Variants in YWHAQ observed in about 807,000 individuals in gnomAD.
YWHAQ encodes tyrosine 3-monooxygenase/tryptophan 5-monooxygenase activation protein theta.
A neutral mutation model predicts 28.3 loss-of-function variants in YWHAQ; 6 were observed. That is an observed-to-expected ratio of 0.21 (90% CI 0.12 to 0.42). The LOEUF (loss-of-function observed/expected upper bound fraction) is 0.42. Among genes scored for constraint, YWHAQ ranks in the 10% least tolerant of loss-of-function variants. The pLI, the probability that YWHAQ is intolerant of heterozygous loss-of-function variation, is 1.00. For missense variants in YWHAQ, 201 were observed against 305.6 expected (o/e 0.66, Z 2.55); for synonymous variants, 143 against 119.1 (o/e 1.20, Z -1.31).
At position 9,588,166 on chromosome 2, in the gene YWHAQ, G is replaced by A; in HGVS notation, c.581C>T (p.Thr194Met). The A allele has an allele frequency of 6.4e-7, 1 of 1,553,548 alleles. No individual in the cohort carries two copies. Among genetic ancestry groups the A allele is most frequent in the Non-Finnish European group, 8.6e-7 (1 of 1,159,278 alleles). The change falls in exon 4 of 6, where the codon ACG becomes ATG. Residue 194 changes from threonine to methionine, a missense_variant and splice_region_variant. Around this residue, in one of 2 missense-constraint regions of YWHAQ, gnomAD observed 39 missense variants for 91.7 expected, o/e 0.43. Transcript: ENST00000238081. ...GTATTTCCTGGACACACATCTTACC[G>A]TTTTAGCCAGCGTGCAGGCAAGCTC... ...NPELACTLAK[T>M]AFDEAIAELD...
In YWHAQ at chr2:9,588,763, T is replaced by C. The variant is rs534567471; in HGVS notation, c.419-435A>G. 2.0e-5 allele frequency among the ~76,000 whole-genome samples: 3 copies of C among 152,018 alleles called. No homozygotes were observed. The South Asian group carries it at 6.2e-4, about 32-fold the overall frequency. ...TCCAGCTTGGGCAACAGAACGATAC[T>C]CTGTGTCAAAAACAAACAAACAAAA... On this transcript the variant is annotated intron_variant, in intron 3 of 5. Coordinates refer to ENST00000238081, the MANE Select transcript of YWHAQ (RefSeq NM_006826.4).
intron 4 of YWHAQ, 142 bp from the exon 5 acceptor site, chr2:9,587,651 A>G: frequency 1.6e-6 from 1 of 633,274 alleles, no homozygotes; most frequent in Non-Finnish European, 2.6e-6. Flanking sequence ...ATTCTCTCAC[A>G]CTCCCAGTTT....
At chr2:9,629,529 G>A (rs889190760) in intron 2 of YWHAQ, among the ~76,000 whole-genome samples, 1 of 152,136 alleles carries the variant, frequency 6.6e-6, no homozygotes, top group African/African-American at 2.4e-5. Context: ...TTTAAGCACA[G>A]GTGTGCAACA....
chr2:9,621,988 A>AG (rs886730904), intron 2 of YWHAQ, among the ~76,000 whole-genome samples: 1 of 152,182 alleles, frequency 6.6e-6, no homozygotes, highest in African/African-American at 2.4e-5. Flanking sequence ...TTGAACAATG[A>AG]GAACACATGG....
Position 9,591,462 on chromosome 2 carries a change from G to T in YWHAQ, c.348C>A (p.Val116=). The change falls in exon 3 of 6, where the codon GTC becomes GTA. Residue 116 remains valine (V), a synonymous_variant. Coordinates refer to ENST00000238081, the MANE Select transcript of YWHAQ (RefSeq NM_006826.4). The part of the protein sequence containing the change: ...IANATNPESK[V]FYLKMKGDYF... ...AATCACCCTTCATTTTCAGATAGAA[G>T]ACCTTACTCTCTGGATTAGTTGCAT... The T allele has an allele frequency of 6.2e-7, 1 of 1,611,718 alleles. No homozygotes were observed. The highest frequency in any genetic ancestry group is 8.5e-7 in the Non-Finnish European group (1 of 1,178,264).
At chr2:9,603,855 G>A (rs1164060965) in intron 2 of YWHAQ, among the ~76,000 whole-genome samples, 1 of 152,014 alleles carries the variant, frequency 6.6e-6, no homozygotes, top group Non-Finnish European at 1.5e-5. Flanking sequence ...AACCCAGGAG[G>A]AGGAGGTCAC....
chr2:9,612,724 A>C (rs1666973372), intron 2 of YWHAQ, among the ~76,000 whole-genome samples: 1 of 152,194 alleles, frequency 6.6e-6, no homozygotes, highest in Non-Finnish European at 1.5e-5. Context: ...TTGGGAGGAA[A>C]GTTTAAAAAG....
Position 9,630,536 on chromosome 2 carries a change from T to C in YWHAQ, c.-82-2A>G, listed in dbSNP as rs1015795021. On this transcript the variant is annotated splice_acceptor_variant, in intron 1 of 5. Transcript: ENST00000238081. LOFTEE classifies it low-confidence loss of function (5UTR_SPLICE). The surrounding 1 kb of genome is among the most constrained non-coding windows in gnomAD (Gnocchi z 5.6). ...CCGCAGCGGGAGGAGCCTCGAGAGCTGCGGAGGGGCGGGGCGGCGAGGCGA... is the reference window on the plus strand; with the variant it reads ...CCGCAGCGGGAGGAGCCTCGAGAGCCGCGGAGGGGCGGGGCGGCGAGGCGA... 7.4e-7 allele frequency: 1 copy of C among 1,342,742 alleles called. No individual in the cohort carries two copies. The highest frequency in any genetic ancestry group is 2.5e-5 in the East Asian group (1 of 39,456). 83.2% of individuals were successfully genotyped at this position (1,342,742 alleles called of 1,614,324 possible).
intron 2 of YWHAQ, among the ~76,000 whole-genome samples, chr2:9,611,307 G>A (rs999503056): frequency 2.6e-5 from 4 of 152,136 alleles, no homozygotes; most frequent in South Asian, 2.1e-4. Flanking sequence ...TGATTCCTAC[G>A]TGAGTCTATC....
At chr2:9,615,073 T>G (rs1460975425) in intron 2 of YWHAQ, among the ~76,000 whole-genome samples, 1 of 152,214 alleles carries the variant, frequency 6.6e-6, no homozygotes. Flanking sequence ...CTTATTCTTA[T>G]GTCCTTACAG....
intron 5 of YWHAQ, among the ~76,000 whole-genome samples, chr2:9,586,767 A>G (rs11684568): frequency 0.018 from 2,733 of 152,338 alleles, 86 homozygotes; most frequent in African/African-American, 0.063. Context: ...TCTATATTAA[A>G]AGATTTGTTC....
intron 2 of YWHAQ, among the ~76,000 whole-genome samples, chr2:9,624,213 G>A (rs1667201659): frequency 6.6e-6 from 1 of 152,154 alleles, no homozygotes; most frequent in South Asian, 2.1e-4. Context: ...CCCAGATGGC[G>A]CAACTGCACT....
In YWHAQ at chr2:9,630,168, G is replaced by A. The variant is rs1160098586; in HGVS notation, c.285C>T (p.Thr95=). Residue 95 remains threonine (T), a synonymous_variant, in exon 2 of 6, where the codon ACC becomes ACT. Coordinates refer to ENST00000238081, the MANE Select transcript of YWHAQ (RefSeq NM_006826.4). The surrounding 1 kb of genome is among the most constrained non-coding windows in gnomAD (Gnocchi z 5.6). ...CGCGCCGAGGACTCACCAGCACCGT[G>A]GTGCAGATGGATCTCAGCTCGGACT... is the stretch of plus-strand genomic sequence containing the variant. The part of the protein sequence containing the change: ...KVESELRSIC[T]TVLELLDKYL... The A allele has an allele frequency of 6.2e-7, 1 of 1,613,414 alleles. No homozygotes were observed.
At chr2:9,617,062 G>A (rs532684959) in intron 2 of YWHAQ, among the ~76,000 whole-genome samples, 5 of 151,876 alleles carry the variant, frequency 3.3e-5, no homozygotes, top group Admixed American at 6.6e-5. Context: ...CTGGGTTCAC[G>A]CCATTCTCCT....
intron 2 of YWHAQ, among the ~76,000 whole-genome samples, chr2:9,598,007 TTTTTTTA>T (rs1454681865): frequency 7.0e-6 from 1 of 141,952 alleles, no homozygotes; most frequent in Non-Finnish European, 1.5e-5. Context: ...TTTTTTTTTT[TTTTTTTA>T]GTAGAGACAA....
chr2:9,605,741 T>C (rs1037410343), intron 2 of YWHAQ, among the ~76,000 whole-genome samples: 3 of 151,862 alleles, frequency 2.0e-5, no homozygotes, highest in African/African-American at 7.3e-5. Context: ...TTTTTTTTTT[T>C]TGGTAGAGGG....
chr2:9,602,862 A>AAAATATATATATAT (rs1666739720), intron 2 of YWHAQ, among the ~76,000 whole-genome samples: 1 of 20,866 alleles, frequency 4.8e-5, no homozygotes, highest in African/African-American at 2.1e-4. Context: ...AAAAAAAAAA[A>AAAATATATATATAT]ATATATATAT....
intron 2 of YWHAQ, among the ~76,000 whole-genome samples, chr2:9,598,653 C>T (rs1666626054): frequency 6.6e-6 from 1 of 152,048 alleles, no homozygotes. Flanking sequence ...AACGTTACTA[C>T]TGTAATTGTT....
chr2:9,602,849 AAAAAAAAAAAAAAATATATATATAT>A (rs1188184146), intron 2 of YWHAQ, among the ~76,000 whole-genome samples: 25 of 16,762 alleles, frequency 1.5e-3, no homozygotes, highest in Non-Finnish European at 2.5e-3. Flanking sequence ...AAAAAAAAAA[AAAAAAAAAAAAAAATATATATATAT>A]ATATATATAT....
Sources: allele counts gnomAD v4.1 joint callset (sites outside exome capture counted in the v4.1 genomes callset), GRCh38; gene constraint gnomAD v4.1.1; regional missense constraint gnomAD v4.1.1; non-coding constraint Gnocchi (gnomAD v3.1); transcripts MANE v1.5; gene names NCBI Gene and HGNC (gene_info 2026-07-23, HGNC 2026-07-21).